Variants in KLHDC10 observed in about 807,000 individuals in gnomAD.
KLHDC10 encodes kelch domain containing 10.
A neutral mutation model predicts 56.1 loss-of-function variants in KLHDC10; 24 were observed. The ratio of observed to expected loss-of-function variants is 0.43; its 90% CI spans 0.31 to 0.60. KLHDC10 has a LOEUF of 0.60. Ranked by LOEUF, KLHDC10 falls within the 20% of genes least tolerant of loss-of-function variation. The probability of loss-of-function intolerance (pLI) is 0.11; values close to 1 mark genes in which losing one functional copy is unlikely to be tolerated. For missense variants in KLHDC10, 349 were observed against 567.0 expected (o/e 0.62, Z 3.91); for synonymous variants, 188 against 207.1 (o/e 0.91, Z 0.79).
chr7:130,103,949 A>C (rs1001031704), intron 2 of KLHDC10, among the ~76,000 whole-genome samples: 15 of 151,964 alleles, frequency 9.9e-5, no homozygotes, highest in Admixed American at 4.6e-4. Context: ...TTAGCCGGGC[A>C]TGGTGGTGGG....
At chr7:130,072,572 A>G (rs917674746) in intron 1 of KLHDC10, among the ~76,000 whole-genome samples, 1 of 152,072 alleles carries the variant, frequency 6.6e-6, no homozygotes, top group Non-Finnish European at 1.5e-5. Flanking sequence ...TGATACCTCA[A>G]TGTATTATGT....
At chr7:130,096,629 A>G (rs748399884) in intron 1 of KLHDC10, among the ~76,000 whole-genome samples, 1 of 152,204 alleles carries the variant, frequency 6.6e-6, no homozygotes, top group South Asian at 2.1e-4. Context: ...AATTTTTGCC[A>G]CAAGATGGCA....
chr7:130,113,594 A>G (rs557549277), intron 2 of KLHDC10, among the ~76,000 whole-genome samples: 7 of 152,256 alleles, frequency 4.6e-5, no homozygotes, highest in South Asian at 4.1e-4. Context: ...TGGCTTCCCA[A>G]AGTGCTTGGA....
At chr7:130,126,852 G>A (rs190241733) in intron 7 of KLHDC10, among the ~76,000 whole-genome samples, 1 of 152,158 alleles carries the variant, frequency 6.6e-6, no homozygotes, top group East Asian at 1.9e-4. Context: ...TGGGTATGGT[G>A]GCTCATGCCT....
At position 130,132,482 on chromosome 7, in the gene KLHDC10, T is replaced by C. The variant is rs1796414912; in HGVS notation, c.*1736T>C. The C allele has an allele frequency of 6.6e-6, 1 of 152,222 alleles. No homozygotes were observed. The allele number at this position is 152,222 out of a possible 1,614,324, so 9.4% of individuals were successfully genotyped here. The stretch of plus-strand genomic sequence containing the variant: ...CCTTATCATACCATCCCCTCTGTGA[T>C]GGGTTGAGTTCATGGAGCCTGTATT... On this transcript the variant is annotated 3_prime_UTR_variant, in exon 10 of 10. Coordinates refer to ENST00000335420, the MANE Select transcript of KLHDC10 (RefSeq NM_014997.4).
chr7:130,090,558 T>A (rs113634795), intron 1 of KLHDC10, among the ~76,000 whole-genome samples: 18,259 of 151,226 alleles, frequency 0.12, 1,285 homozygotes, highest in East Asian at 0.31. Flanking sequence ...ACTGCACTCT[T>A]GCCTGGGTGA....
chr7:130,107,591 C>A (rs967570584), intron 2 of KLHDC10, among the ~76,000 whole-genome samples: 7 of 152,072 alleles, frequency 4.6e-5, no homozygotes, highest in South Asian at 4.1e-4. Flanking sequence ...CGCCTGTAAT[C>A]CCAGCGCTTT....
chr7:130,104,714 G>A (rs768109425), intron 2 of KLHDC10, among the ~76,000 whole-genome samples: 5 of 152,222 alleles, frequency 3.3e-5, no homozygotes, highest in Non-Finnish European at 7.3e-5. Context: ...CAGAGTGGGA[G>A]CAGGTGTCTT....
intron 1 of KLHDC10, among the ~76,000 whole-genome samples, chr7:130,094,038 C>G (rs558263242): frequency 1.3e-5 from 2 of 152,262 alleles, no homozygotes; most frequent in Admixed American, 1.3e-4. Flanking sequence ...ATTCTCCTGT[C>G]TCAGCCTCCT....
At chr7:130,108,688 C>T (rs1421897826) in intron 2 of KLHDC10, among the ~76,000 whole-genome samples, 3 of 147,922 alleles carry the variant, frequency 2.0e-5, no homozygotes, top group Non-Finnish European at 4.5e-5. Flanking sequence ...AGTCATTGCA[C>T]TCCAGCCTGG....
intron 1 of KLHDC10, chr7:130,094,787 C>T (rs1379822220): frequency 6.6e-6 from 1 of 152,068 alleles, no homozygotes; most frequent in Non-Finnish European, 1.5e-5. Flanking sequence ...TAACCATCCC[C>T]TATCATTGGA....
At chr7:130,077,702 C>T (rs1441549936) in intron 1 of KLHDC10, among the ~76,000 whole-genome samples, 1 of 151,528 alleles carries the variant, frequency 6.6e-6, no homozygotes. Flanking sequence ...ACTACAGGCA[C>T]CTGCTACCAC....
At chr7:130,106,980 T>C (rs1334812912) in intron 2 of KLHDC10, among the ~76,000 whole-genome samples, 1 of 152,016 alleles carries the variant, frequency 6.6e-6, no homozygotes, top group Non-Finnish European at 1.5e-5. Flanking sequence ...CAAAAATAAA[T>C]AAACAAATAA....
chr7:130,070,639 G>C lies in KLHDC10; in HGVS notation c.-5G>C. ...GGACCGGGCTGCGGCAATCGTTAGC[G>C]GGTCATGTCGGCCGCCCAGGGCTGG... On this transcript the variant is annotated 5_prime_UTR_variant, in exon 1 of 10. Coordinates refer to ENST00000335420, the MANE Select transcript of KLHDC10 (RefSeq NM_014997.4). 7.6e-7 allele frequency: 1 copy of C among 1,315,116 alleles called. No homozygotes were observed. Among genetic ancestry groups the C allele is most frequent in the Non-Finnish European group, 9.7e-7 (1 of 1,027,098 alleles). The allele number at this position is 1,315,116 out of a possible 1,614,324, so 81.5% of individuals were successfully genotyped here.
chr7:130,093,735 G>A (rs1795811308), intron 1 of KLHDC10, among the ~76,000 whole-genome samples: 1 of 152,094 alleles, frequency 6.6e-6, no homozygotes, highest in African/African-American at 2.4e-5. Flanking sequence ...TGCTCTTTGG[G>A]TGAAAGAATA....
intron 7 of KLHDC10, 90 bp downstream of exon 7, chr7:130,126,021 A>G (rs920912656): frequency 7.4e-6 from 7 of 944,720 alleles, no homozygotes; most frequent in Middle Eastern, 3.3e-4. Context: ...TTACTGAGTT[A>G]TATGTCAAGT....
At chr7:130,128,875 T>TA (rs1164826285) in intron 8 of KLHDC10, among the ~76,000 whole-genome samples, 5,715 of 41,874 alleles carry the variant, frequency 0.14, 753 homozygotes, top group South Asian at 0.24. Flanking sequence ...CCTTGTCTCT[T>TA]AAAAAAAAAA....
At chr7:130,071,515 T>A (rs1233018869) in intron 1 of KLHDC10, among the ~76,000 whole-genome samples, 3 of 152,244 alleles carry the variant, frequency 2.0e-5, no homozygotes, top group Admixed American at 6.5e-5. Flanking sequence ...TATTTGACAT[T>A]TTGGTCTACA....
At chr7:130,109,962 G>A (rs776476252) in intron 2 of KLHDC10, among the ~76,000 whole-genome samples, 10 of 152,170 alleles carry the variant, frequency 6.6e-5, no homozygotes, top group Non-Finnish European at 1.0e-4. Context: ...AATAGCAGTA[G>A]AAAATCTGAG....
Sources: allele counts gnomAD v4.1 joint callset (sites outside exome capture counted in the v4.1 genomes callset), GRCh38; gene constraint gnomAD v4.1.1; transcripts MANE v1.5; gene names NCBI Gene and HGNC (gene_info 2026-07-23, HGNC 2026-07-21).